The following NUP210L variants were observed in gnomAD, a reference collection of about 807,000 sequenced individuals.
The protein encoded by NUP210L is nuclear pore membrane glycoprotein 210-like.
A neutral mutation model predicts 208.5 loss-of-function variants in NUP210L; 74 were observed. The observed-to-expected ratio is 0.35, with a 90% CI of 0.29 to 0.43. The LOEUF is 0.43. NUP210L is among the 20% of genes least tolerant of loss of function. The pLI, the probability that NUP210L is intolerant of heterozygous loss-of-function variation, is 1.00. For missense variants in NUP210L, 1,843 were observed against 2,289.4 expected, an observed-to-expected ratio of 0.81 and a Z score of 3.98; for synonymous variants, 780 against 816.9, an observed-to-expected ratio of 0.95 and a Z score of 0.77.
intron 7 of NUP210L, among the ~76,000 whole-genome samples, chr1:154,130,471 C>T (rs2148123920): frequency 6.6e-6 from 1 of 152,076 alleles, no homozygotes; most frequent in Non-Finnish European, 1.5e-5. Flanking sequence ...CAGGGTTTTG[C>T]CATGTTGGCC....
intron 16 of NUP210L, among the ~76,000 whole-genome samples, chr1:154,078,318 G>C (rs900517359): frequency 1.3e-5 from 2 of 151,192 alleles, no homozygotes; most frequent in East Asian, 2.0e-4. Context: ...AAAAAGGCCA[G>C]GTACAGTGGC....
intron 37 of NUP210L, 33 bp from the exon 38 acceptor site, chr1:153,995,213 G>T: frequency 1.4e-6 from 2 of 1,443,704 alleles, no homozygotes; most frequent in Non-Finnish European, 1.9e-6. Flanking sequence ...CAAGATAATA[G>T]TTAATAGCAA....
intron 35 of NUP210L, among the ~76,000 whole-genome samples, chr1:154,009,731 A>G (rs949596190): frequency 1.3e-5 from 2 of 150,776 alleles, no homozygotes; most frequent in African/African-American, 2.4e-5. Flanking sequence ...GTTTAAGGTT[A>G]CAGTGAGCTA....
intron 27 of NUP210L, among the ~76,000 whole-genome samples, chr1:154,042,909 G>A (rs1024223400): frequency 2.0e-5 from 3 of 148,298 alleles, no homozygotes; most frequent in Admixed American, 6.8e-5. Flanking sequence ...ACGGGGTTTC[G>A]CCATGTTGCT....
intron 36 of NUP210L, 70 bp downstream of exon 36, chr1:154,001,665 A>G: frequency 2.6e-6 from 4 of 1,516,720 alleles, no homozygotes; most frequent in Non-Finnish European, 3.6e-6. Context: ...TTTGCCCTTG[A>G]AGTGAGAATG....
At position 154,004,815 on chromosome 1, in the gene NUP210L, T is replaced by C. The variant is rs576826260; in HGVS notation, c.4931-2830A>G. ...GCATGAGCCACTGTGGCCAGGCTAT[T>C]CCTCTTTTCTTTTTTTCTTTTCTTT... On this transcript the variant is annotated intron_variant, in intron 35 of 39. Transcript: ENST00000368559. 3.4e-4 allele frequency among the ~76,000 whole-genome samples: 51 copies of C among 151,430 alleles called. 1 individual carries two copies. The South Asian group carries it at 7.1e-3, about 21-fold the overall frequency.
At chr1:154,049,450 G>A (rs1330314119) in intron 25 of NUP210L, among the ~76,000 whole-genome samples, 2 of 152,114 alleles carry the variant, frequency 1.3e-5, no homozygotes, top group African/African-American at 4.8e-5. Context: ...CCTGCCAAGG[G>A]TTTAGGATAT....
rs1654109479 is a variant in NUP210L, at chr1:154,061,059, T to C, written c.2644-13A>G. 1 of 1,559,152 alleles carries C rather than the reference T, an allele frequency of 6.4e-7. No individual in the cohort carries two copies. Among genetic ancestry groups the C allele is most frequent in the Non-Finnish European group, 8.8e-7 (1 of 1,130,728 alleles). On this transcript the variant is annotated splice_polypyrimidine_tract_variant and intron_variant, in intron 18 of 39. Transcript: ENST00000368559. ...AGTTGGAAATTTCCTAGAAATATAA[T>C]AAGAACCACAAAAGTGAATATAAAC...
chr1:154,066,338 C>T (rs111805065), intron 17 of NUP210L, among the ~76,000 whole-genome samples: 4,608 of 152,270 alleles, frequency 0.03, 106 homozygotes, highest in Non-Finnish European at 0.04. Flanking sequence ...AATCGCTGGG[C>T]GCGGTGGCTC....
intron 35 of NUP210L, 146 bp downstream of exon 35, chr1:154,009,826 G>A (rs1007079426): frequency 8.7e-6 from 5 of 577,262 alleles, no homozygotes; most frequent in East Asian, 3.3e-5. Flanking sequence ...AGAGTTGAAC[G>A]GGTTGAACAA....
intron 27 of NUP210L, among the ~76,000 whole-genome samples, chr1:154,031,784 C>A (rs1052587036): frequency 1.3e-5 from 2 of 150,700 alleles, no homozygotes; most frequent in South Asian, 2.1e-4. Context: ...TATAGTGGCA[C>A]AATCATGGCT....
At chr1:154,115,594 T>G (rs776288935) in intron 12 of NUP210L, among the ~76,000 whole-genome samples, 12 of 152,214 alleles carry the variant, frequency 7.9e-5, no homozygotes, top group Non-Finnish European at 1.5e-4. Flanking sequence ...TACTGTACAA[T>G]TCAAGTAGTT....
chr1:154,068,447 C>T (rs530916992), intron 17 of NUP210L, among the ~76,000 whole-genome samples: 11 of 152,072 alleles, frequency 7.2e-5, no homozygotes, highest in South Asian at 2.1e-4. Context: ...TTTGGGAGGC[C>T]GAGGAGGGTA....
intron 25 of NUP210L, 80 bp downstream of exon 25, chr1:154,054,148 C>T: frequency 6.9e-7 from 1 of 1,459,414 alleles, no homozygotes; most frequent in South Asian, 1.2e-5. Flanking sequence ...ACACCCTCCT[C>T]ATTACCACTG....
chr1:154,126,682 T>C (rs1214880429), intron 9 of NUP210L, among the ~76,000 whole-genome samples: 5 of 152,202 alleles, frequency 3.3e-5, no homozygotes, highest in Admixed American at 3.3e-4. Context: ...ACATCAGGAA[T>C]AGCAAGAGTC....
At chr1:153,995,825 C>T (rs556087203) in intron 37 of NUP210L, 13 of 619,722 alleles carry the variant, frequency 2.1e-5, no homozygotes, top group African/African-American at 3.6e-5. Flanking sequence ...GAAGTTCTTA[C>T]GAGATTGTCC....
intron 13 of NUP210L, among the ~76,000 whole-genome samples, chr1:154,103,586 G>C (rs556149998): frequency 7.1e-6 from 1 of 140,510 alleles, no homozygotes; most frequent in Admixed American, 7.1e-5. Flanking sequence ...GCAGGAGAAT[G>C]GCGTGAACCC....
intron 35 of NUP210L, among the ~76,000 whole-genome samples, chr1:154,005,824 A>G (rs1273705886): frequency 6.6e-6 from 1 of 151,978 alleles, no homozygotes; most frequent in Non-Finnish European, 1.5e-5. Flanking sequence ...CCCGGGTTCA[A>G]GTGATTCTCC....
exon 7 of NUP210L, chr1:154,135,849 T>A (rs765576519): frequency 6.2e-7 from 1 of 1,614,134 alleles, no homozygotes; most frequent in Non-Finnish European, 8.5e-7. Context: ...CTGGCCCAGT[T>A]GTGAGGCAGT....
Sources: allele counts gnomAD v4.1 joint callset (sites outside exome capture counted in the v4.1 genomes callset), GRCh38; gene constraint gnomAD v4.1.1; transcripts MANE v1.5; gene names NCBI Gene and HGNC (gene_info 2026-07-23, HGNC 2026-07-21).